Variants in SLC4A7 observed in about 807,000 individuals in gnomAD.
SLC4A7 encodes the protein solute carrier family 4 member 7, also known as sodium bicarbonate cotransporter 3.
In SLC4A7, 51 loss-of-function variants were observed where a neutral mutation model predicts 137.6. That is an observed-to-expected ratio of 0.37 (90% CI 0.30 to 0.47). The LOEUF (loss-of-function observed/expected upper bound fraction) is 0.47, where lower values mean the gene tolerates loss of function less well. Ranked by LOEUF, SLC4A7 falls within the 20% of genes least tolerant of loss-of-function variation. SLC4A7 has a pLI of 1.00. For synonymous variants in SLC4A7, 542 were observed against 518.6 expected (o/e 1.05, Z -0.61); for missense variants, 1,247 against 1,525.4 (o/e 0.82, Z 3.04).
chr3:27,386,201 T>C (rs1450918370), intron 22 of SLC4A7, among the ~76,000 whole-genome samples, 178 bp from the exon 23 acceptor site: 5 of 141,426 alleles, frequency 3.5e-5, no homozygotes, highest in African/African-American at 1.3e-4. Flanking sequence ...TACTTTGTGC[T>C]AAAAAAAAAA....
At chr3:27,411,241 T>G (rs2053867857) in intron 12 of SLC4A7, among the ~76,000 whole-genome samples, 1 of 151,998 alleles carries the variant, frequency 6.6e-6, no homozygotes, top group African/African-American at 2.4e-5. Flanking sequence ...CATTTAAGAG[T>G]TTTAAATCTG....
At chr3:27,409,566 C>A in intron 12 of SLC4A7, 36 bp from the exon 13 acceptor site, 1 of 1,534,378 alleles carries the variant, frequency 6.5e-7, no homozygotes, top group Non-Finnish European at 8.9e-7. Context: ...AAACTGTACA[C>A]TAGAGGATTC....
chr3:27,423,763 G>A (rs2055246077), intron 8 of SLC4A7: 1 of 305,874 alleles, frequency 3.3e-6, no homozygotes, highest in Non-Finnish European at 6.0e-6. Flanking sequence ...TCTATGGGTA[G>A]GTATGGATGG....
Position 27,391,728 on chromosome 3 carries a change from C to T in SLC4A7, c.3186+12G>A, listed in dbSNP as rs200154476. 3.3e-5 allele frequency: 48 copies of T among 1,471,148 alleles called. No homozygotes were observed. The East Asian group carries it at 8.9e-4, about 27-fold the overall frequency. The allele number at this position is 1,471,148 out of a possible 1,614,324, so 91.1% of individuals were successfully genotyped here. A position where few individuals can be genotyped will look rare whatever the true frequency, so the allele number is the denominator to read the frequency against. On this transcript the variant is annotated intron_variant, in intron 21 of 25. Coordinates refer to ENST00000454389, the MANE Select transcript of SLC4A7 (RefSeq NM_001321103.2). ...AGTTTCTATAGAAAATCATTAAATA[C>T]TTAAAACTTGCCTGGATTCCTTTTA...
intron 3 of SLC4A7, among the ~76,000 whole-genome samples, chr3:27,442,696 CGG>C (rs1413549468): frequency 6.6e-6 from 1 of 152,088 alleles, no homozygotes; most frequent in Non-Finnish European, 1.5e-5. Flanking sequence ...TAGACAAAAC[CGG>C]GTTCTGGTCA....
At chr3:27,462,590 A>T (rs1246593647) in intron 1 of SLC4A7, 2 of 156,260 alleles carry the variant, frequency 1.3e-5, no homozygotes, top group Admixed American at 6.5e-5. Context: ...TGCTGGCTTG[A>T]ACAGAGGCGC....
At chr3:27,432,837 C>T (rs1301631716) in intron 6 of SLC4A7, among the ~76,000 whole-genome samples, 1 of 152,104 alleles carries the variant, frequency 6.6e-6, no homozygotes, top group African/African-American at 2.4e-5. Flanking sequence ...GATAAATGAA[C>T]TTATTTCACC....
chr3:27,404,827 T>C lies in SLC4A7; in HGVS notation c.2075+3A>G. The C allele has an allele frequency of 6.3e-7, 1 of 1,596,672 alleles. No homozygotes were observed. Among genetic ancestry groups the C allele is most frequent in the Non-Finnish European group, 8.5e-7 (1 of 1,171,212 alleles). On this transcript the variant is annotated splice_donor_region_variant and intron_variant, in intron 14 of 25. Transcript: ENST00000454389. ...GTGATAAGTAGAGAGGGCTATTACT[T>C]ACCTGCAGAATTTATATAAAATTTT...
At position 27,402,071 on chromosome 3, in the gene SLC4A7, A is replaced by G. The variant is rs571417017; in HGVS notation, c.2321+1068T>C. Among the ~76,000 whole-genome samples, 63 of 152,336 alleles carry G rather than the reference A, an allele frequency of 4.1e-4. No individual in the cohort carries two copies. In the South Asian group the frequency reaches 0.013, roughly 31 times the overall value. On this transcript the variant is annotated intron_variant, in intron 15 of 25. Coordinates refer to ENST00000454389, the MANE Select transcript of SLC4A7 (RefSeq NM_001321103.2). ...ACGAATGAACAAAAGAGGGAAGTAC[A>G]TGTATCTGGGGCTTAGGTGGGTAGA...
Position 27,431,347 on chromosome 3 carries a change from C to T in SLC4A7, c.1101G>A (p.Ala367=), listed in dbSNP as rs200145444. The change falls in exon 7 of 26, where the codon GCG becomes GCA. Residue 367 remains alanine (A), a synonymous_variant. Transcript: ENST00000454389. ...CATTCTTCTGCTCCTCGCCTTTCAG[C>T]GCTGCTTCTAAGTCTTCCTCAGGCG... ...IHPPEEDLEA[A]LKGEEQKNEE... 9.9e-6 allele frequency: 16 copies of T among 1,610,790 alleles called. No individual in the cohort carries two copies. The highest frequency in any genetic ancestry group is 6.7e-5 in the Admixed American group (4 of 59,500).
At chr3:27,440,341 T>C (rs1021574523) in intron 3 of SLC4A7, among the ~76,000 whole-genome samples, 2 of 152,126 alleles carry the variant, frequency 1.3e-5, no homozygotes, top group Admixed American at 1.3e-4. Context: ...GTCACATCTA[T>C]ATCCAGTCTG....
At chr3:27,424,248 T>C in intron 7 of SLC4A7, 96 bp from the exon 8 acceptor site, 1 of 609,930 alleles carries the variant, frequency 1.6e-6, no homozygotes, top group East Asian at 2.9e-5. Flanking sequence ...ATGAATATTA[T>C]AAAAGCAAAT....
At chr3:27,399,415 A>G (rs1373201419) in intron 16 of SLC4A7, among the ~76,000 whole-genome samples, 1 of 152,172 alleles carries the variant, frequency 6.6e-6, no homozygotes, top group Non-Finnish European at 1.5e-5. Flanking sequence ...ATAAAATAGT[A>G]AAGCATGAAT....
intron 23 of SLC4A7, among the ~76,000 whole-genome samples, chr3:27,384,455 CCT>C (rs1177522562): frequency 2.6e-5 from 4 of 152,038 alleles, no homozygotes; most frequent in Non-Finnish European, 4.4e-5. Context: ...ACAAGGAGCC[CCT>C]GATAACTTTG....
intron 13 of SLC4A7, among the ~76,000 whole-genome samples, chr3:27,406,443 C>T (rs371429147): frequency 2.1e-4 from 32 of 152,212 alleles, no homozygotes; most frequent in South Asian, 2.1e-3. Context: ...CAAAGATAAA[C>T]AAATTTATCT....
chr3:27,412,216 G>A (rs1054443499), intron 11 of SLC4A7, among the ~76,000 whole-genome samples: 14 of 152,120 alleles, frequency 9.2e-5, no homozygotes, highest in African/African-American at 2.9e-4. Context: ...TGATAAACAT[G>A]TTCCCACAAA....
At chr3:27,402,293 A>T (rs1175285802) in intron 15 of SLC4A7, among the ~76,000 whole-genome samples, 3 of 152,170 alleles carry the variant, frequency 2.0e-5, no homozygotes, top group Admixed American at 6.5e-5. Flanking sequence ...ACCACTACAC[A>T]TTCCTTTTCA....
intron 1 of SLC4A7, among the ~76,000 whole-genome samples, chr3:27,481,331 C>T (rs1321027114): frequency 6.6e-6 from 1 of 152,168 alleles, no homozygotes; most frequent in Non-Finnish European, 1.5e-5. Flanking sequence ...GCAGAAGCAA[C>T]CATAGAGGCT....
In SLC4A7 at chr3:27,397,759, T is replaced by C; in HGVS notation, c.2628A>G (p.Thr876=). 6.2e-7 allele frequency: 1 copy of C among 1,608,910 alleles called. No homozygotes were observed. The highest frequency in any genetic ancestry group is 8.5e-7 in the Non-Finnish European group (1 of 1,176,834). ...AGTCAATTGTAACCATTATTACTAT[T>C]GTGAGAAATACAGCAAAATCACTGA... ...STISDFAVFL[T]IVIMVTIDYL... Residue 876 remains threonine (T), a synonymous_variant, in exon 18 of 26, where the codon ACA becomes ACG. Coordinates refer to ENST00000454389, the MANE Select transcript of SLC4A7 (RefSeq NM_001321103.2).
Sources: gnomAD v4.1 joint callset for allele counts (sites outside exome capture counted in the v4.1 genomes callset) on GRCh38, gnomAD v4.1.1 for gene constraint, MANE v1.5 for transcripts, NCBI Gene and HGNC (gene_info 2026-07-23, HGNC 2026-07-21) for gene names.